Variants in GALNT17 observed in about 807,000 individuals in gnomAD.
GALNT17 encodes the protein UDP-GalNAc:polypeptide N-acetylgalactosaminyltransferase-like 3.
A neutral mutation model predicts 63.7 loss-of-function variants in GALNT17; 29 were observed. That is an observed-to-expected ratio of 0.46 (90% CI 0.34 to 0.62). The LOEUF (loss-of-function observed/expected upper bound fraction) is 0.62, where lower values mean the gene tolerates loss of function less well. GALNT17 is among the 20% of genes least tolerant of loss of function. The pLI is 0.01. For synonymous variants in GALNT17, 305 were observed against 318.3 expected (o/e 0.96, Z 0.45); for missense variants, 603 against 799.6 (o/e 0.75, Z 2.97).
intron 1 of GALNT17, among the ~76,000 whole-genome samples, chr7:71,215,563 T>C (rs1392251395): frequency 6.6e-6 from 1 of 152,190 alleles, no homozygotes; most frequent in Non-Finnish European, 1.5e-5. Flanking sequence ...ATCTGTCACC[T>C]GGTTTTTACT....
At chr7:71,146,699 C>G (rs1788030462) in intron 1 of GALNT17, among the ~76,000 whole-genome samples, 1 of 152,138 alleles carries the variant, frequency 6.6e-6, no homozygotes, top group African/African-American at 2.4e-5. Flanking sequence ...GATTGCTGCT[C>G]ACCGGTCTTT....
intron 1 of GALNT17, among the ~76,000 whole-genome samples, chr7:71,313,988 T>TG (rs1791456976): frequency 6.6e-6 from 1 of 152,142 alleles, no homozygotes. Flanking sequence ...GTTGTCTACT[T>TG]GGAAAAAAAC....
intron 5 of GALNT17, among the ~76,000 whole-genome samples, chr7:71,555,988 T>A (rs1292907510): frequency 6.6e-6 from 1 of 152,266 alleles, no homozygotes; most frequent in African/African-American, 2.4e-5. Context: ...CTTTTCTTTC[T>A]ATCTCAGCTC....
intron 9 of GALNT17, among the ~76,000 whole-genome samples, chr7:71,693,908 G>A (rs555219884): frequency 3.6e-4 from 54 of 151,664 alleles, no homozygotes; most frequent in African/African-American, 9.9e-4. Context: ...GGGTGAGGTC[G>A]GGGAAGCTAA....
intron 1 of GALNT17, among the ~76,000 whole-genome samples, chr7:71,231,491 C>T (rs374048521): frequency 3.9e-5 from 6 of 152,010 alleles, no homozygotes; most frequent in South Asian, 2.1e-4. Context: ...GTGTTTTAGT[C>T]GGCTTGGGCT....
intron 2 of GALNT17, among the ~76,000 whole-genome samples, chr7:71,365,486 C>T (rs891902563): frequency 2.1e-4 from 32 of 152,188 alleles, no homozygotes; most frequent in African/African-American, 6.5e-4. Flanking sequence ...GTGATCCACC[C>T]GCCTCGGCTT....
intron 2 of GALNT17, among the ~76,000 whole-genome samples, chr7:71,385,284 C>A (rs1290191896): frequency 6.6e-6 from 1 of 152,130 alleles, no homozygotes; most frequent in East Asian, 1.9e-4. Context: ...AGCTCAGGCC[C>A]AGTGGTCACC....
chr7:71,230,383 G>A (rs1285290343), intron 1 of GALNT17, among the ~76,000 whole-genome samples: 2 of 152,170 alleles, frequency 1.3e-5, no homozygotes, highest in African/African-American at 4.8e-5. Context: ...GGTGCAAAGA[G>A]GCTACCATAG....
At chr7:71,465,585 G>A (rs1787522048) in intron 5 of GALNT17, among the ~76,000 whole-genome samples, 1 of 152,166 alleles carries the variant, frequency 6.6e-6, no homozygotes, top group South Asian at 2.1e-4. Flanking sequence ...AGAAGAATGT[G>A]GCGGAAGCTT....
intron 5 of GALNT17, among the ~76,000 whole-genome samples, chr7:71,516,585 G>A (rs80307082): frequency 1.7e-4 from 26 of 152,282 alleles, no homozygotes; most frequent in African/African-American, 6.3e-4. Flanking sequence ...GAATGCAGGA[G>A]GGGTGCAGGT....
intron 6 of GALNT17, among the ~76,000 whole-genome samples, chr7:71,597,281 C>T (rs1345954387): frequency 1.3e-5 from 2 of 152,132 alleles, no homozygotes; most frequent in African/African-American, 4.8e-5. Flanking sequence ...CCTTGTGATC[C>T]ACCTGCCTCA....
chr7:71,141,421 A>G (rs1277532240), intron 1 of GALNT17, among the ~76,000 whole-genome samples: 1 of 151,946 alleles, frequency 6.6e-6, no homozygotes, highest in Non-Finnish European at 1.5e-5. Flanking sequence ...TTTGATTTCC[A>G]CTGTCACTTA....
intron 2 of GALNT17, among the ~76,000 whole-genome samples, chr7:71,354,232 T>A (rs972055250): frequency 3.3e-5 from 5 of 152,172 alleles, no homozygotes; most frequent in African/African-American, 1.2e-4. Flanking sequence ...TGCATGGTAG[T>A]CAATTATGTT....
intron 6 of GALNT17, among the ~76,000 whole-genome samples, chr7:71,616,209 T>C (rs1221365064): frequency 6.6e-6 from 1 of 152,056 alleles, no homozygotes; most frequent in East Asian, 1.9e-4. Flanking sequence ...GAATCTAGTC[T>C]GTTCGAGTAC....
At chr7:71,579,015 G>A (rs1224959591) in intron 6 of GALNT17, among the ~76,000 whole-genome samples, 2 of 152,206 alleles carry the variant, frequency 1.3e-5, no homozygotes, top group Non-Finnish European at 2.9e-5. Flanking sequence ...GTCCATCCCA[G>A]AGAGGACCAG....
In GALNT17 at chr7:71,580,019, CGATAGAGATGATGGATGGATA is replaced by C. The variant is rs1032957397; in HGVS notation, c.1080+8634_1080+8654del. Among the ~76,000 whole-genome samples the C allele has an allele frequency of 2.5e-4, 38 of 150,892 alleles. 1 individual carries two copies. Among genetic ancestry groups the C allele is most frequent in the Non-Finnish European group, 1.9e-4 (13 of 67,834 alleles). On this transcript the variant is annotated intron_variant, in intron 6 of 10. Coordinates refer to ENST00000333538, the MANE Select transcript of GALNT17 (RefSeq NM_022479.3). The stretch of plus-strand genomic sequence containing the variant: ...AGATAGTAGGTAATAGAGATATAGA[CGATAGAGATGATGGATGGATA>C]GATAGAGATGATGGATAGAATGATA...
intron 2 of GALNT17, among the ~76,000 whole-genome samples, chr7:71,385,692 G>GC (rs67196992): frequency 6.6e-6 from 1 of 152,104 alleles, no homozygotes; most frequent in Non-Finnish European, 1.5e-5. Flanking sequence ...GGAATACTTT[G>GC]CCCCCAGCAG....
intron 5 of GALNT17, among the ~76,000 whole-genome samples, chr7:71,464,430 G>A (rs889539642): frequency 3.3e-5 from 5 of 152,050 alleles, no homozygotes; most frequent in Admixed American, 6.6e-5. Flanking sequence ...CCAAGAACAC[G>A]CTCCTGGTCC....
rs1241156902 is a variant in GALNT17, at chr7:71,436,706, G to A, written c.962+15601G>A. On this transcript the variant is annotated intron_variant, in intron 5 of 10. Coordinates refer to ENST00000333538, the MANE Select transcript of GALNT17 (RefSeq NM_022479.3). ...TGCACTCCAGCCTGGGCGACAGAGC[G>A]AGACTCCATCTCAAAAAAAAAATAA... Among the ~76,000 whole-genome samples, 7 of 150,698 alleles carry A rather than the reference G, an allele frequency of 4.6e-5. No individual in the cohort carries two copies. The East Asian group carries it at 5.9e-4, about 13-fold the overall frequency.
Sources: gnomAD v4.1 joint callset for allele counts (sites outside exome capture counted in the v4.1 genomes callset) on GRCh38, gnomAD v4.1.1 for gene constraint, MANE v1.5 for transcripts, NCBI Gene and HGNC (gene_info 2026-07-23, HGNC 2026-07-21) for gene names.